RPTOR: variants seen among roughly 807,000 people sequenced by gnomAD.
RPTOR encodes regulatory associated protein of MTOR complex 1, also known as regulatory-associated protein of mTOR.
In RPTOR, 21 loss-of-function variants were observed where a neutral mutation model predicts 169.9. The ratio of observed to expected loss-of-function variants is 0.12; its 90% confidence interval spans 0.09 to 0.18. The LOEUF (loss-of-function observed/expected upper bound fraction) is 0.18. Ranked by LOEUF, RPTOR falls within the 10% of genes least tolerant of loss-of-function variation. The pLI, the probability that RPTOR is intolerant of heterozygous loss-of-function variation, is 1.00. For missense variants in RPTOR, 1,133 were observed against 1,855.9 expected (o/e 0.61, Z 7.16); for synonymous variants, 732 against 753.2 (o/e 0.97, Z 0.46).
At chr17:80,964,109 A>G (rs1294493857) in intron 33 of RPTOR, among the ~76,000 whole-genome samples, 153 bp from the exon 34 acceptor site, 1 of 152,070 alleles carries the variant, frequency 6.6e-6, no homozygotes, top group East Asian at 1.9e-4. Flanking sequence ...GACTGGTGGG[A>G]CCGGCCCGGC....
At chr17:80,691,947 A>G (rs2065995660) in intron 3 of RPTOR, among the ~76,000 whole-genome samples, 1 of 152,176 alleles carries the variant, frequency 6.6e-6, no homozygotes, top group Non-Finnish European at 1.5e-5. Context: ...ACACCAACGT[A>G]ATTACCCATT....
chr17:80,835,024 A>G (rs1368837648), intron 9 of RPTOR, among the ~76,000 whole-genome samples: 2 of 152,194 alleles, frequency 1.3e-5, no homozygotes, highest in Non-Finnish European at 2.9e-5. Context: ...AATCTCCCTC[A>G]ATGCTGCTGA....
At chr17:80,615,190 G>T (rs145193513) in intron 1 of RPTOR, among the ~76,000 whole-genome samples, 1 of 152,280 alleles carries the variant, frequency 6.6e-6, no homozygotes, top group East Asian at 1.9e-4. Flanking sequence ...AGGCTTCAAG[G>T]GGGCTTCTGT....
chr17:80,614,837 C>T (rs187847245), intron 1 of RPTOR, among the ~76,000 whole-genome samples: 49 of 152,298 alleles, frequency 3.2e-4, no homozygotes, highest in African/African-American at 3.6e-4. Flanking sequence ...CTGCTTTAGT[C>T]GTCGATAATC....
In RPTOR at chr17:80,822,833, G is replaced by A. The variant is rs566828481; in HGVS notation, c.992-246G>A. ...ATGCGTGCCCATGTGTAATGTATCT[G>A]TATAGGTACACACCTGTGCACACAC... On this transcript the variant is annotated intron_variant, in intron 8 of 33. Transcript: ENST00000306801. Among the ~76,000 whole-genome samples, 8 of 144,916 alleles carry A rather than the reference G, an allele frequency of 5.5e-5. No homozygotes were observed. In the East Asian group the frequency reaches 1.5e-3, roughly 28 times the overall value.
intron 11 of RPTOR, among the ~76,000 whole-genome samples, chr17:80,848,931 G>A (rs930528114): frequency 5.9e-5 from 9 of 152,236 alleles, no homozygotes; most frequent in African/African-American, 1.2e-4. Context: ...TGGTCGGAGC[G>A]TGGGGCATTT....
chr17:80,723,160 C>T (rs1344246122), intron 4 of RPTOR, among the ~76,000 whole-genome samples: 2 of 151,014 alleles, frequency 1.3e-5, no homozygotes, highest in South Asian at 2.1e-4. Context: ...CAACCTTGAT[C>T]ACTAGGCTGA....
At chr17:80,758,697 G>A (rs995076840) in intron 6 of RPTOR, among the ~76,000 whole-genome samples, 7 of 151,932 alleles carry the variant, frequency 4.6e-5, no homozygotes, top group Non-Finnish European at 1.0e-4. Flanking sequence ...CCCCGCTCCC[G>A]GTTTCCTGCA....
At chr17:80,847,979 T>C (rs1344666516) in intron 11 of RPTOR, among the ~76,000 whole-genome samples, 1 of 152,250 alleles carries the variant, frequency 6.6e-6, no homozygotes, top group East Asian at 1.9e-4. Context: ...GCTGCAGCAG[T>C]GGCAGCCAGC....
In RPTOR at chr17:80,880,834, G is replaced by A. The variant is rs1285607920; in HGVS notation, c.1584+345G>A. Among the ~76,000 whole-genome samples the A allele has an allele frequency of 5.3e-5, 8 of 152,130 alleles. No homozygotes were observed. In the South Asian group the frequency reaches 6.2e-4, roughly 12 times the overall value. ...CCGCCGCGTTAGACTAGTGAGCGCCGCACGTCTGTAATATGAGAGTTCAGG... is the reference window on the plus strand; with the variant it reads ...CCGCCGCGTTAGACTAGTGAGCGCCACACGTCTGTAATATGAGAGTTCAGG... On this transcript the variant is annotated intron_variant, in intron 14 of 33. Transcript: ENST00000306801.
At position 80,916,774 on chromosome 17, in the gene RPTOR, C is replaced by T. The variant is rs546240074; in HGVS notation, c.2521-5950C>T. On this transcript the variant is annotated intron_variant, in intron 21 of 33. Transcript: ENST00000306801. ...CAGCACTTTGGGAGGCCAAGGCGGGCGGATCACTTGAGGCCAGGAGTTCCA... is the reference window on the plus strand; with the variant it reads ...CAGCACTTTGGGAGGCCAAGGCGGGTGGATCACTTGAGGCCAGGAGTTCCA... Among the ~76,000 whole-genome samples, 211 of 152,118 alleles carry T rather than the reference C, an allele frequency of 1.4e-3. 2 individuals are homozygous for T. Among genetic ancestry groups the T allele is most frequent in the Non-Finnish European group, 2.5e-3 (170 of 68,020 alleles).
chr17:80,744,245 T>G (rs368894535), intron 5 of RPTOR, among the ~76,000 whole-genome samples: 2 of 95,572 alleles, frequency 2.1e-5, no homozygotes. Flanking sequence ...CCCTGGTTAC[T>G]AGCACTGTCC....
intron 1 of RPTOR, among the ~76,000 whole-genome samples, chr17:80,624,552 T>A (rs956595952): frequency 6.6e-6 from 1 of 152,180 alleles, no homozygotes; most frequent in African/African-American, 2.4e-5. Flanking sequence ...GAAGTATTGG[T>A]TGATAGGTTA....
intron 1 of RPTOR, among the ~76,000 whole-genome samples, chr17:80,554,375 C>T (rs947312282): frequency 6.6e-6 from 1 of 152,132 alleles, no homozygotes; most frequent in Admixed American, 6.5e-5. Flanking sequence ...CATTATGTAT[C>T]TTTGTGAGGC....
At chr17:80,925,992 TG>T (rs2068807561) in intron 24 of RPTOR, among the ~76,000 whole-genome samples, 2 of 152,244 alleles carry the variant, frequency 1.3e-5, no homozygotes, top group South Asian at 4.1e-4. Flanking sequence ...CTTCGAGGAA[TG>T]GGGCGGGAGC....
intron 21 of RPTOR, among the ~76,000 whole-genome samples, chr17:80,920,584 G>A (rs970450603): frequency 1.3e-5 from 2 of 152,238 alleles, no homozygotes; most frequent in African/African-American, 4.8e-5. Flanking sequence ...GCTCCATGCG[G>A]TACTCCCACG....
At chr17:80,745,219 G>T (rs2143291116) in intron 5 of RPTOR, among the ~76,000 whole-genome samples, 1 of 152,356 alleles carries the variant, frequency 6.6e-6, no homozygotes, top group East Asian at 1.9e-4. Flanking sequence ...GTTGTAGAAT[G>T]ATCACAGAGC....
At chr17:80,842,037 ACC>A (rs1256127915) in intron 10 of RPTOR, among the ~76,000 whole-genome samples, 1 of 151,698 alleles carries the variant, frequency 6.6e-6, no homozygotes, top group Non-Finnish European at 1.5e-5. Context: ...GCTCACTCTC[ACC>A]ACACGGCAGC....
intron 24 of RPTOR, among the ~76,000 whole-genome samples, chr17:80,929,643 C>T (rs1366460139): frequency 1.3e-5 from 2 of 152,250 alleles, no homozygotes; most frequent in East Asian, 1.9e-4. Flanking sequence ...AGGGTGGATG[C>T]GGAAGCTGCA....
Sources: allele counts gnomAD v4.1 joint callset (sites outside exome capture counted in the v4.1 genomes callset), GRCh38; gene constraint gnomAD v4.1.1; transcripts MANE v1.5; gene names NCBI Gene and HGNC (gene_info 2026-07-23, HGNC 2026-07-21).